The following PAK1 variants were observed in gnomAD, a reference collection of about 807,000 sequenced individuals.
PAK1 encodes the protein p21 (RAC1) activated kinase 1.
A neutral mutation model predicts 67.4 loss-of-function variants in PAK1; 29 were observed. The ratio of observed to expected loss-of-function variants is 0.43; its 90% CI spans 0.32 to 0.59. The LOEUF is 0.59. Among genes scored for constraint, PAK1 ranks in the 20% least tolerant of loss-of-function variants. The pLI, the probability that PAK1 is intolerant of heterozygous loss-of-function variation, is 0.07. For missense variants in PAK1, 337 were observed against 670.7 expected (o/e 0.50, Z 5.50); for synonymous variants, 223 against 237.4 (o/e 0.94, Z 0.56).
At chr11:77,329,013 C>A (rs768167661) in intron 14 of PAK1, 1 of 152,204 alleles carries the variant, frequency 6.6e-6, no homozygotes, top group Admixed American at 6.5e-5. Context: ...CACCTCTATG[C>A]AAATCAACTA....
chr11:77,440,096 T>C (rs1412756818), intron 1 of PAK1, among the ~76,000 whole-genome samples: 1 of 152,246 alleles, frequency 6.6e-6, no homozygotes, highest in Non-Finnish European at 1.5e-5. Context: ...CTGAGCCAAG[T>C]GTAAAATGTA....
At chr11:77,490,567 G>A in the PAK1 span, among the ~76,000 whole-genome samples, 3 of 151,022 alleles carry the variant, frequency 2.0e-5, no homozygotes, top group Admixed American at 1.3e-4. Context: ...GTCTCTGCCC[G>A]GCCGCCCCTA....
intron 1 of PAK1, among the ~76,000 whole-genome samples, chr11:77,447,602 G>T (rs1363537823): frequency 6.6e-6 from 1 of 151,582 alleles, no homozygotes; most frequent in Non-Finnish European, 1.5e-5. Context: ...TCAGCTCACT[G>T]CAACCTCCAC....
intron 2 of PAK1, among the ~76,000 whole-genome samples, chr11:77,389,478 C>G (rs558719981): frequency 6.6e-6 from 1 of 152,282 alleles, no homozygotes; most frequent in East Asian, 1.9e-4. Flanking sequence ...ACATTCCCAC[C>G]AGCAATTATG....
At chr11:77,407,312 G>C (rs1225565925) in intron 1 of PAK1, among the ~76,000 whole-genome samples, 2 of 152,026 alleles carry the variant, frequency 1.3e-5, no homozygotes, top group Non-Finnish European at 2.9e-5. Flanking sequence ...GTTTTTGTTT[G>C]ACCATGGAAC....
chr11:77,331,258 C>T (rs1941439260), intron 14 of PAK1, among the ~76,000 whole-genome samples: 1 of 152,114 alleles, frequency 6.6e-6, no homozygotes, highest in South Asian at 2.1e-4. Flanking sequence ...CTAGAAATAC[C>T]ATTTGACCCA....
chr11:77,425,175 T>G (rs534572871), intron 1 of PAK1, among the ~76,000 whole-genome samples: 1 of 152,170 alleles, frequency 6.6e-6, no homozygotes, highest in South Asian at 2.1e-4. Flanking sequence ...GTGGCTGAGG[T>G]CCACTGTGTC....
At chr11:77,442,305 G>C in intron 1 of PAK1, among the ~76,000 whole-genome samples, 1 of 152,138 alleles carries the variant, frequency 6.6e-6, no homozygotes, top group East Asian at 1.9e-4. Context: ...GTGACTGAAA[G>C]AATACAACAG....
intron 1 of PAK1, among the ~76,000 whole-genome samples, chr11:77,440,491 C>T (rs1449157174): frequency 6.6e-6 from 1 of 152,154 alleles, no homozygotes; most frequent in South Asian, 2.1e-4. Flanking sequence ...TCACAGCAAT[C>T]CTAATTTATA....
At chr11:77,481,451 C>T in the PAK1 span, among the ~76,000 whole-genome samples, 44,733 of 151,688 alleles carry the variant, frequency 0.29, 7,323 homozygotes, top group East Asian at 0.45. Context: ...CCGAGGCGGG[C>T]GGATCACGAG....
chr11:77,512,735 C>A, the PAK1 span, among the ~76,000 whole-genome samples: 68 of 152,270 alleles, frequency 4.5e-4, 2 homozygotes, highest in South Asian at 0.013. Context: ...ATGCTTTTCA[C>A]TATTTTTATT....
At chr11:77,507,607 C>T in the PAK1 span, among the ~76,000 whole-genome samples, 3 of 152,066 alleles carry the variant, frequency 2.0e-5, no homozygotes, top group East Asian at 1.9e-4. Flanking sequence ...ACTGCTAACT[C>T]GACCTCCAGA....
chr11:77,462,678 C>A (rs1207380101), intron 1 of PAK1, among the ~76,000 whole-genome samples: 2 of 149,832 alleles, frequency 1.3e-5, no homozygotes, highest in Admixed American at 6.6e-5. Flanking sequence ...CTAAAAACAC[C>A]AAAATTAGCC....
chr11:77,518,916 G>A, the PAK1 span, among the ~76,000 whole-genome samples: 1 of 152,084 alleles, frequency 6.6e-6, no homozygotes, highest in African/African-American at 2.4e-5. Context: ...CCATCACTTA[G>A]ATTCAACAAT....
intron 5 of PAK1, among the ~76,000 whole-genome samples, chr11:77,373,901 G>A (rs1948759395): frequency 6.6e-6 from 1 of 152,110 alleles, no homozygotes; most frequent in South Asian, 2.1e-4. Flanking sequence ...CTAAGTGTAG[G>A]TATCTGAAGA....
chr11:77,513,974 A>G, the PAK1 span, among the ~76,000 whole-genome samples: 1 of 152,162 alleles, frequency 6.6e-6, no homozygotes, highest in African/African-American at 2.4e-5. Flanking sequence ...ATTTATATGA[A>G]ATGAGAATTA....
intron 1 of PAK1, among the ~76,000 whole-genome samples, chr11:77,458,228 C>T (rs1434995189): frequency 6.6e-6 from 1 of 152,056 alleles, no homozygotes; most frequent in Non-Finnish European, 1.5e-5. Flanking sequence ...TTTATAATTC[C>T]TAATTTAATA....
chr11:77,379,971 G>A lies in PAK1; in HGVS notation c.214C>T (p.Arg72Trp), dbSNP rs779171013. ...TCTGAAGGGAGAGAAATCTCTGGCC[G>A]CTCTTTCTCTTTCTTTTTATTTGCT... Reference protein sequence around the residue: ...DKTNKKKEKERPEISLPSDFE... With the variant: ...DKTNKKKEKEWPEISLPSDFE... Residue 72 changes from arginine to tryptophan, a missense_variant, in exon 3 of 15, where the codon CGG (arginine) becomes TGG (tryptophan). Physicochemically the swap from Arg to Trp is moderately radical, Grantham distance 101. Around this residue, in one of 8 missense-constraint regions of PAK1, gnomAD observed 43 missense variants for 141.5 expected, o/e 0.30. Coordinates refer to ENST00000356341, the MANE Select transcript of PAK1 (RefSeq NM_002576.5). 1 of 1,612,910 alleles carries A rather than the reference G, an allele frequency of 6.2e-7. No homozygotes were observed. Among genetic ancestry groups the A allele is most frequent in the Non-Finnish European group, 8.5e-7 (1 of 1,179,256 alleles).
At chr11:77,498,583 G>A in the PAK1 span, among the ~76,000 whole-genome samples, 5 of 151,708 alleles carry the variant, frequency 3.3e-5, no homozygotes, top group Non-Finnish European at 5.9e-5. Context: ...TGCCTTTGAA[G>A]GGCTCTCCCT....
Sources: gnomAD v4.1 joint callset for allele counts (sites outside exome capture counted in the v4.1 genomes callset) on GRCh38, gnomAD v4.1.1 for gene constraint, gnomAD v4.1.1 regional missense constraint, MANE v1.5 for transcripts, NCBI Gene and HGNC (gene_info 2026-07-23, HGNC 2026-07-21) for gene names.